NRXN1: variants seen among roughly 807,000 people sequenced by gnomAD.
The protein encoded by NRXN1 is neurexin-1.
Under a neutral mutation model 150.9 loss-of-function variants are expected in NRXN1, and 39 were observed. The observed-to-expected ratio is 0.26, with a 90% CI of 0.20 to 0.34. NRXN1 has a LOEUF of 0.34. Ranked by LOEUF, NRXN1 falls within the 10% of genes least tolerant of loss-of-function variation. NRXN1 has a pLI of 1.00. For missense variants in NRXN1, 1,815 were observed against 1,949.9 expected (o/e 0.93, Z 1.30); for synonymous variants, 924 against 757.0 (o/e 1.22, Z -3.62).
At chr2:50,524,604 A>G (rs568099602) in intron 12 of NRXN1, among the ~76,000 whole-genome samples, 1 of 152,182 alleles carries the variant, frequency 6.6e-6, no homozygotes, top group Non-Finnish European at 1.5e-5. Context: ...TGGAAAAACA[A>G]AAAGAATAGA....
At chr2:50,796,650 A>G (rs566281512) in intron 5 of NRXN1, among the ~76,000 whole-genome samples, 11 of 152,314 alleles carry the variant, frequency 7.2e-5, no homozygotes, top group African/African-American at 2.4e-4. Context: ...GTTTCTGTGA[A>G]GGTGCCAAGG....
At chr2:50,302,947 A>G (rs1269562759) in intron 17 of NRXN1, among the ~76,000 whole-genome samples, 1 of 152,008 alleles carries the variant, frequency 6.6e-6, no homozygotes, top group Admixed American at 6.6e-5. Flanking sequence ...CCACCCATCC[A>G]TCTATTCATT....
At chr2:50,801,956 T>C (rs537165149) in intron 5 of NRXN1, among the ~76,000 whole-genome samples, 13 of 152,286 alleles carry the variant, frequency 8.5e-5, no homozygotes, top group African/African-American at 2.9e-4. Context: ...TTTTAAGCCA[T>C]AATATCACTA....
At chr2:50,256,164 C>T (rs981746946) in intron 17 of NRXN1, among the ~76,000 whole-genome samples, 1 of 152,126 alleles carries the variant, frequency 6.6e-6, no homozygotes, top group Non-Finnish European at 1.5e-5. Context: ...TGTTTAGATG[C>T]AGCTTGTATT....
chr2:50,149,227 T>C (rs1377899254), intron 18 of NRXN1, among the ~76,000 whole-genome samples: 1 of 151,838 alleles, frequency 6.6e-6, no homozygotes, highest in African/African-American at 2.4e-5. Flanking sequence ...ATCCATTTTA[T>C]ATCCATTTGC....
intron 21 of NRXN1, among the ~76,000 whole-genome samples, chr2:49,966,401 A>G (rs1676970363): frequency 6.6e-6 from 1 of 152,194 alleles, no homozygotes; most frequent in African/African-American, 2.4e-5. Flanking sequence ...AAAAATTTTC[A>G]ATATGAAAAT....
chr2:50,333,664 T>C (rs1201534113), intron 17 of NRXN1, among the ~76,000 whole-genome samples: 1 of 151,862 alleles, frequency 6.6e-6, no homozygotes, highest in African/African-American at 2.4e-5. Flanking sequence ...GGCAGGCATG[T>C]TAAGTGTGAA....
In NRXN1 at chr2:50,346,296, T is replaced by C. The variant is rs368333428; in HGVS notation, c.3365-109326A>G. On this transcript the variant is annotated intron_variant, in intron 17 of 22. Coordinates refer to ENST00000401669, the MANE Select transcript of NRXN1 (RefSeq NM_001330078.2). This position sits in a 1 kb window ranked among gnomAD's most constrained non-coding sequence, Gnocchi z 5.0. Reference sequence around the variant, plus strand: ...CAGCATATACAGCACAGACAAAAGGTTCTGCAGAGCCCTCTTCTCTCTGGT... The same window carrying C: ...CAGCATATACAGCACAGACAAAAGGCTCTGCAGAGCCCTCTTCTCTCTGGT... 2.0e-5 allele frequency among the ~76,000 whole-genome samples: 3 copies of C among 151,982 alleles called. No individual in the cohort carries two copies. The highest frequency in any genetic ancestry group is 3.9e-4 in the East Asian group (2 of 5,138).
chr2:50,628,140 T>A (rs1357365436), intron 5 of NRXN1, among the ~76,000 whole-genome samples: 1 of 151,744 alleles, frequency 6.6e-6, no homozygotes, highest in Non-Finnish European at 1.5e-5. Flanking sequence ...TCTGCATAAC[T>A]CAGAATAAAT....
At chr2:50,929,645 C>T (rs1311852164) in intron 2 of NRXN1, among the ~76,000 whole-genome samples, 1 of 152,018 alleles carries the variant, frequency 6.6e-6, no homozygotes, top group African/African-American at 2.4e-5. Context: ...TGGTAACAGG[C>T]AGTGGAAAGA....
In NRXN1 at chr2:50,000,951, C is replaced by A. The variant is rs189999642; in HGVS notation, c.4128+52320G>T. On this transcript the variant is annotated intron_variant, in intron 21 of 22. Transcript: ENST00000401669. ...GTTCAATTGTGAAAGTCAGACAACA[C>A]GGCCTTAATTTCAGATAAGATAAAA... 1.6e-3 allele frequency among the ~76,000 whole-genome samples: 240 copies of A among 152,226 alleles called. 1 individual carries two copies. Among genetic ancestry groups the A allele is most frequent in the Non-Finnish European group, 2.5e-3 (168 of 68,014 alleles).
intron 17 of NRXN1, among the ~76,000 whole-genome samples, chr2:50,429,368 TGC>T (rs2084763211): frequency 6.6e-6 from 1 of 152,134 alleles, no homozygotes; most frequent in Non-Finnish European, 1.5e-5. Context: ...GCAATTCTTG[TGC>T]CTCAGCCTCC....
chr2:50,207,351 C>T (rs2062676989), intron 18 of NRXN1, among the ~76,000 whole-genome samples: 1 of 151,892 alleles, frequency 6.6e-6, no homozygotes, highest in African/African-American at 2.4e-5. Flanking sequence ...AAAAGAATAC[C>T]TCTGTAACTC....
At chr2:50,755,116 G>C (rs1288900805) in intron 5 of NRXN1, among the ~76,000 whole-genome samples, 2 of 151,612 alleles carry the variant, frequency 1.3e-5, no homozygotes, top group Non-Finnish European at 2.9e-5. Context: ...TATTCTCCTG[G>C]CTCCCCGCCA....
chr2:50,597,984 C>A (rs1455434418), intron 8 of NRXN1, among the ~76,000 whole-genome samples: 1 of 151,822 alleles, frequency 6.6e-6, no homozygotes, highest in East Asian at 1.9e-4. Context: ...ACCAAAAATA[C>A]AAAAATTACC....
intron 2 of NRXN1, among the ~76,000 whole-genome samples, chr2:50,931,169 T>A (rs1574964516): frequency 6.6e-6 from 1 of 152,128 alleles, no homozygotes; most frequent in South Asian, 2.1e-4. Flanking sequence ...CTAATAAGAC[T>A]AATGGTCTTC....
At chr2:50,081,500 C>A (rs1045502559) in intron 19 of NRXN1, among the ~76,000 whole-genome samples, 1 of 152,068 alleles carries the variant, frequency 6.6e-6, no homozygotes, top group Non-Finnish European at 1.5e-5. Context: ...TGCAGTGAGC[C>A]AAATTCGGGC....
chr2:50,691,742 G>A (rs1406912042), intron 5 of NRXN1, among the ~76,000 whole-genome samples: 1 of 152,048 alleles, frequency 6.6e-6, no homozygotes, highest in Non-Finnish European at 1.5e-5. Flanking sequence ...GATCTCTTTA[G>A]TTAGTCAGTC....
intron 18 of NRXN1, among the ~76,000 whole-genome samples, chr2:50,099,392 A>G (rs960722470): frequency 6.6e-6 from 1 of 151,984 alleles, no homozygotes; most frequent in South Asian, 2.1e-4. Flanking sequence ...TATAATTCAC[A>G]TATCATAACA....
Sources: allele counts gnomAD v4.1 joint callset (sites outside exome capture counted in the v4.1 genomes callset), GRCh38; gene constraint gnomAD v4.1.1; non-coding constraint Gnocchi (gnomAD v3.1); transcripts MANE v1.5; gene names NCBI Gene and HGNC (gene_info 2026-07-23, HGNC 2026-07-21).